The following ERC2 variants were observed in gnomAD, a reference collection of about 807,000 sequenced individuals.
The protein encoded by ERC2 is ERC protein 2.
ERC2 carries 42 observed loss-of-function variants against 114.8 expected under a neutral mutation model. The observed-to-expected ratio is 0.37, with a 90% CI of 0.29 to 0.47. The LOEUF is 0.47. ERC2 is among the 20% of genes least tolerant of loss of function. The pLI is 0.99. For missense variants in ERC2, 939 were observed against 1,150.7 expected (o/e 0.82, Z 2.66); for synonymous variants, 454 against 425.5 (o/e 1.07, Z -0.82).
chr3:55,768,568 C>A (rs1221955059), intron 14 of ERC2, among the ~76,000 whole-genome samples: 3 of 152,196 alleles, frequency 2.0e-5, no homozygotes, highest in Admixed American at 6.5e-5. Context: ...AGAGGGTATA[C>A]TTTAGCTAGG....
chr3:56,333,099 C>T (rs902318317), intron 2 of ERC2, among the ~76,000 whole-genome samples: 4 of 152,216 alleles, frequency 2.6e-5, no homozygotes, highest in African/African-American at 9.6e-5. Context: ...TAGCCCCTCA[C>T]AGTCAGTTAA....
intron 17 of ERC2, among the ~76,000 whole-genome samples, chr3:55,615,694 T>A (rs949263761): frequency 9.2e-5 from 14 of 152,180 alleles, no homozygotes; most frequent in African/African-American, 3.4e-4. Flanking sequence ...CAATATTACA[T>A]GCACTAAGGA....
At chr3:55,701,682 G>A (rs1313157767) in intron 15 of ERC2, among the ~76,000 whole-genome samples, 1 of 152,180 alleles carries the variant, frequency 6.6e-6, no homozygotes, top group East Asian at 1.9e-4. Flanking sequence ...TAAAGTGTCA[G>A]AAGACCCAAT....
chr3:56,361,056 C>G (rs913352704), intron 2 of ERC2, among the ~76,000 whole-genome samples: 2 of 152,094 alleles, frequency 1.3e-5, no homozygotes, highest in African/African-American at 4.8e-5. Flanking sequence ...GTGGGAGATA[C>G]GTAACTGAAC....
chr3:55,707,360 G>A (rs894742157), intron 15 of ERC2, among the ~76,000 whole-genome samples: 1 of 152,186 alleles, frequency 6.6e-6, no homozygotes, highest in Admixed American at 6.5e-5. Flanking sequence ...GATCACCTGA[G>A]CACAGAAGGT....
At chr3:55,793,288 G>A (rs963226854) in intron 14 of ERC2, among the ~76,000 whole-genome samples, 1 of 152,178 alleles carries the variant, frequency 6.6e-6, no homozygotes, top group African/African-American at 2.4e-5. Context: ...AGAACTCCTG[G>A]TTTAGCCTTC....
rs1234942553 is a variant in ERC2 at position 56,340,535 on chromosome 3, A to T, written c.658-44100T>A. ...GTGTTTGTGTGTGAGAGAGAGAGAGAGAGTGAATGTGTGTGTGTGTGTGTG... is the reference window on the plus strand; with the variant it reads ...GTGTTTGTGTGTGAGAGAGAGAGAGTGAGTGAATGTGTGTGTGTGTGTGTG... On this transcript the variant is annotated intron_variant, in intron 2 of 17. Coordinates refer to ENST00000288221, the MANE Select transcript of ERC2 (RefSeq NM_015576.3). Among the ~76,000 whole-genome samples the T allele has an allele frequency of 7.9e-4, 85 of 106,938 alleles. 1 individual carries two copies. The highest frequency in any genetic ancestry group is 2.4e-3 in the African/African-American group (69 of 29,108). 70.2% of individuals were successfully genotyped at this position (106,938 alleles called of 152,430 possible).
chr3:56,301,809 A>T (rs553987910), intron 2 of ERC2, among the ~76,000 whole-genome samples: 1 of 152,362 alleles, frequency 6.6e-6, no homozygotes, highest in African/African-American at 2.4e-5. Flanking sequence ...AGAAATTGAT[A>T]AACTTTCTGT....
At chr3:56,443,417 A>C (rs2062410560) in intron 1 of ERC2, among the ~76,000 whole-genome samples, 1 of 152,232 alleles carries the variant, frequency 6.6e-6, no homozygotes, top group South Asian at 2.1e-4. Context: ...TATAAAGAGC[A>C]GGGGTGGTTT....
intron 2 of ERC2, among the ~76,000 whole-genome samples, chr3:56,388,264 G>A (rs934138583): frequency 6.6e-6 from 1 of 152,116 alleles, no homozygotes; most frequent in Non-Finnish European, 1.5e-5. Flanking sequence ...CCTCATGAAT[G>A]TCTTGGTGCC....
intron 17 of ERC2, among the ~76,000 whole-genome samples, chr3:55,649,320 G>T (rs954745796): frequency 1.3e-5 from 2 of 148,942 alleles, no homozygotes; most frequent in Admixed American, 1.3e-4. Flanking sequence ...GAGTGCAGTG[G>T]TGCAATCTTG....
chr3:55,745,368 T>C (rs1471910166), intron 14 of ERC2, among the ~76,000 whole-genome samples: 2 of 152,162 alleles, frequency 1.3e-5, no homozygotes, highest in African/African-American at 4.8e-5. Flanking sequence ...AAAGTCAAAG[T>C]CAAGTGCAAA....
chr3:56,218,612 C>T (rs2049670260), intron 3 of ERC2, among the ~76,000 whole-genome samples: 1 of 152,156 alleles, frequency 6.6e-6, no homozygotes, highest in African/African-American at 2.4e-5. Context: ...ACTAGAAATA[C>T]CATTTGACCC....
chr3:55,539,138 T>C (rs2107324988), intron 17 of ERC2, among the ~76,000 whole-genome samples: 1 of 152,274 alleles, frequency 6.6e-6, no homozygotes, highest in Non-Finnish European at 1.5e-5. Context: ...CCATTCATTA[T>C]TTTAGAAAAC....
intron 14 of ERC2, among the ~76,000 whole-genome samples, chr3:55,800,669 T>G (rs1476192294): frequency 6.6e-6 from 1 of 151,906 alleles, no homozygotes; most frequent in African/African-American, 2.4e-5. Flanking sequence ...AAGAGGCAAA[T>G]GAGTGAACGG....
chr3:55,997,442 TAA>T (rs1385671173), intron 10 of ERC2, among the ~76,000 whole-genome samples: 3 of 150,678 alleles, frequency 2.0e-5, no homozygotes, highest in African/African-American at 7.3e-5. Flanking sequence ...CTCATAATTC[TAA>T]GTTATAAATA....
chr3:55,915,546 A>T (rs1437620828), intron 13 of ERC2, among the ~76,000 whole-genome samples: 3 of 152,184 alleles, frequency 2.0e-5, no homozygotes, highest in African/African-American at 7.2e-5. Flanking sequence ...GTTATGAGAA[A>T]AGTGAATTTG....
intron 7 of ERC2, among the ~76,000 whole-genome samples, chr3:56,038,865 T>C (rs1181660097): frequency 1.3e-5 from 2 of 152,280 alleles, no homozygotes; most frequent in East Asian, 3.9e-4. Context: ...TTCTCACTTA[T>C]AAGTTGGTGC....
intron 13 of ERC2, among the ~76,000 whole-genome samples, chr3:55,936,857 C>T (rs1462693205): frequency 1.3e-5 from 2 of 152,214 alleles, no homozygotes; most frequent in Non-Finnish European, 2.9e-5. Context: ...AACATCATCA[C>T]GGCATCAACC....
Sources: allele counts gnomAD v4.1 joint callset (sites outside exome capture counted in the v4.1 genomes callset), GRCh38; gene constraint gnomAD v4.1.1; transcripts MANE v1.5; gene names NCBI Gene and HGNC (gene_info 2026-07-23, HGNC 2026-07-21).